Variants in YBEY observed in about 807,000 individuals in gnomAD.
The protein encoded by YBEY is endoribonuclease YbeY.
In YBEY, 15 loss-of-function variants were observed where a neutral mutation model predicts 13.5. The ratio of observed to expected loss-of-function variants is 1.11; its 90% CI spans 0.75 to 1.72. The LOEUF is 1.72. YBEY is among the 40% of genes most tolerant of loss of function. The probability of loss-of-function intolerance (pLI) is 0.00; values close to 1 mark genes in which losing one functional copy is unlikely to be tolerated. For synonymous variants in YBEY, 101 were observed against 83.1 expected, an observed-to-expected ratio of 1.21 and a Z score of -1.17; for missense variants, 244 against 208.4, an observed-to-expected ratio of 1.17 and a Z score of -1.05.
the YBEY span, among the ~76,000 whole-genome samples, chr21:46,306,267 G>C: frequency 6.6e-6 from 1 of 152,156 alleles, no homozygotes; most frequent in Non-Finnish European, 1.5e-5. Flanking sequence ...CCAGCACTTT[G>C]GGAGGCTGAG....
downstream of YBEY, among the ~76,000 whole-genome samples, chr21:46,299,254 C>T (rs998788529): frequency 1.3e-5 from 2 of 152,100 alleles, no homozygotes; most frequent in African/African-American, 2.4e-5. Flanking sequence ...AGGTGTGAGC[C>T]GCTGTGCCTG....
chr21:46,291,318 T>A lies in YBEY; in HGVS notation c.211-16T>A. 6.2e-7 allele frequency: 1 copy of A among 1,613,976 alleles called. No individual in the cohort carries two copies. Among genetic ancestry groups the A allele is most frequent in the Non-Finnish European group, 8.5e-7 (1 of 1,179,958 alleles). ...ACGTTTCCTGTTCTCTAAGTCTACA[T>A]TTCCTCATTTTTTAGCATCTGAAAG... On this transcript the variant is annotated splice_polypyrimidine_tract_variant and intron_variant, in intron 2 of 4. Transcript: ENST00000397701.
chr21:46,296,664 T>C (rs1489569031), intron 4 of YBEY, among the ~76,000 whole-genome samples: 3 of 152,204 alleles, frequency 2.0e-5, no homozygotes. Context: ...AGCAAACTGC[T>C]TCTCTGAAAG....
intron 3 of YBEY, among the ~76,000 whole-genome samples, chr21:46,295,625 C>T (rs577251839): frequency 5.9e-5 from 9 of 152,228 alleles, no homozygotes; most frequent in African/African-American, 2.2e-4. Context: ...CACCTCCCTC[C>T]GCCTCCGCCT....
intron 3 of YBEY, among the ~76,000 whole-genome samples, chr21:46,295,747 GGT>G (rs1285455557): frequency 6.6e-6 from 1 of 152,190 alleles, no homozygotes; most frequent in African/African-American, 2.4e-5. Context: ...TTGGACCTGG[GGT>G]GTGGGCTGTG....
chr21:46,291,660 A>G (rs927499525), intron 3 of YBEY, 198 bp downstream of exon 3: 6 of 1,369,210 alleles, frequency 4.4e-6, no homozygotes, highest in Non-Finnish European at 5.6e-6. Flanking sequence ...AAGGAGGGAG[A>G]GAACACGCTG....
At chr21:46,309,052 C>T in the YBEY span, among the ~76,000 whole-genome samples, 6 of 152,222 alleles carry the variant, frequency 3.9e-5, no homozygotes, top group Non-Finnish European at 8.8e-5. Context: ...GGCGCAGTGG[C>T]TCACGCCTGT....
chr21:46,287,917 C>T (rs1485061147), intron 2 of YBEY, among the ~76,000 whole-genome samples: 1 of 151,888 alleles, frequency 6.6e-6, no homozygotes, highest in Non-Finnish European at 1.5e-5. Flanking sequence ...GAGGCTGAGG[C>T]AGGAGAATCG....
downstream of YBEY, among the ~76,000 whole-genome samples, chr21:46,298,463 C>G (rs2082022902): frequency 4.8e-5 from 2 of 41,660 alleles, no homozygotes; most frequent in Admixed American, 6.5e-4. Context: ...GAGTCTCGCT[C>G]TGTCGCCCAG....
the YBEY span, among the ~76,000 whole-genome samples, chr21:46,312,159 AGAC>A: frequency 2.6e-5 from 4 of 152,292 alleles, no homozygotes; most frequent in African/African-American, 9.6e-5. Flanking sequence ...GATTAACCCC[AGAC>A]ACTGAATAAA....
the YBEY span, among the ~76,000 whole-genome samples, chr21:46,303,804 T>A: frequency 7.5e-6 from 1 of 132,936 alleles, no homozygotes; most frequent in East Asian, 2.3e-4. Context: ...GAGGCTGGAG[T>A]GCAGTGGTGC....
chr21:46,295,245 A>G (rs1043018759), intron 3 of YBEY, among the ~76,000 whole-genome samples: 11 of 151,834 alleles, frequency 7.2e-5, no homozygotes, highest in African/African-American at 2.7e-4. Flanking sequence ...CCAGGACCCC[A>G]TCCTCATAGC....
At chr21:46,301,081 C>G, downstream of YBEY, 18 of 1,007,658 alleles carry the variant, frequency 1.8e-5, no homozygotes, top group Non-Finnish European at 2.2e-5. Context: ...CATTAGCACT[C>G]TCCCTTTTTT....
chr21:46,296,535 C>T (rs2081957686), intron 4 of YBEY, among the ~76,000 whole-genome samples: 2 of 152,166 alleles, frequency 1.3e-5, no homozygotes, highest in African/African-American at 4.8e-5. Flanking sequence ...AGGGCGGAGG[C>T]GGGAGCTCTG....
chr21:46,289,156 G>A (rs1474518599), intron 2 of YBEY, among the ~76,000 whole-genome samples: 2 of 152,228 alleles, frequency 1.3e-5, no homozygotes. Context: ...TGTGGAAAAT[G>A]TGAAAGACTC....
intron 3 of YBEY, 35 bp downstream of exon 3, chr21:46,291,497 C>T (rs139297921): frequency 3.1e-6 from 5 of 1,611,420 alleles, no homozygotes; most frequent in Non-Finnish European, 4.2e-6. Context: ...TAACCTGGCT[C>T]ATGGAACATG....
chr21:46,308,195 G>C, the YBEY span, among the ~76,000 whole-genome samples: 1 of 152,136 alleles, frequency 6.6e-6, no homozygotes, highest in Non-Finnish European at 1.5e-5. Flanking sequence ...AGGCGCGGTG[G>C]CTCACGCCCA....
downstream of YBEY, among the ~76,000 whole-genome samples, chr21:46,298,949 T>C (rs547310272): frequency 3.6e-3 from 552 of 151,744 alleles, 2 homozygotes; most frequent in Non-Finnish European, 5.7e-3. Flanking sequence ...CTTGAACTCC[T>C]GACCTCAAGT....
intron 3 of YBEY, among the ~76,000 whole-genome samples, chr21:46,294,942 A>C (rs991416392): frequency 2.6e-5 from 4 of 152,176 alleles, no homozygotes; most frequent in African/African-American, 9.7e-5. Context: ...ACGGCCACAC[A>C]GGAACCTGGG....
Sources: gnomAD v4.1 joint callset for allele counts (sites outside exome capture counted in the v4.1 genomes callset) on GRCh38, gnomAD v4.1.1 for gene constraint, MANE v1.5 for transcripts, NCBI Gene and HGNC (gene_info 2026-07-23, HGNC 2026-07-21) for gene names.